The following AKT2 variants were observed in gnomAD, a reference collection of about 807,000 sequenced individuals.
AKT2 encodes RAC-beta serine/threonine-protein kinase.
AKT2 carries 16 observed loss-of-function variants against 58.6 expected under a neutral mutation model. That is an observed-to-expected ratio of 0.27 (90% confidence interval 0.18 to 0.41). The LOEUF (loss-of-function observed/expected upper bound fraction) is 0.41, where lower values mean the gene tolerates loss of function less well. AKT2 is among the 10% of genes least tolerant of loss of function. The pLI, the probability that AKT2 is intolerant of heterozygous loss-of-function variation, is 1.00. For synonymous variants in AKT2, 253 were observed against 254.0 expected (o/e 1.00, Z 0.04); for missense variants, 438 against 661.0 (o/e 0.66, Z 3.70).
chr19:40,258,850 A>G (rs1160332449), intron 2 of AKT2, among the ~76,000 whole-genome samples: 1 of 152,226 alleles, frequency 6.6e-6, no homozygotes, highest in Non-Finnish European at 1.5e-5. Context: ...TACAGATTCA[A>G]TGCAATCCCT....
intron 1 of AKT2, chr19:40,269,320 A>C (rs1326738566): frequency 1.3e-5 from 2 of 152,304 alleles, no homozygotes; most frequent in Non-Finnish European, 2.9e-5. Context: ...ACTCAAGACA[A>C]GGTAAAAAGA....
chr19:40,282,614 A>G, intron 1 of AKT2: 2 of 479,156 alleles, frequency 4.2e-6, no homozygotes, highest in Admixed American at 2.4e-5. Context: ...AGGTGACTCT[A>G]TCCTATGTCT....
intron 4 of AKT2, among the ~76,000 whole-genome samples, chr19:40,246,957 C>T (rs899310050): frequency 3.9e-5 from 6 of 152,216 alleles, no homozygotes; most frequent in Non-Finnish European, 7.3e-5. Context: ...GGGAGGGTGC[C>T]GAAGACACTC....
chr19:40,253,925 A>C (rs1171149289), intron 4 of AKT2, among the ~76,000 whole-genome samples: 3 of 151,878 alleles, frequency 2.0e-5, no homozygotes, highest in Non-Finnish European at 4.4e-5. Context: ...AAATTCCCCA[A>C]GGTACACTAA....
intron 1 of AKT2, chr19:40,274,973 C>A (rs1464883471): frequency 4.7e-6 from 2 of 426,826 alleles, no homozygotes; most frequent in African/African-American, 4.0e-5. Context: ...CCCTTCCTCT[C>A]CAGGAGCTGT....
At chr19:40,248,652 G>A (rs753918339) in intron 4 of AKT2, among the ~76,000 whole-genome samples, 14 of 152,400 alleles carry the variant, frequency 9.2e-5, no homozygotes, top group Non-Finnish European at 1.8e-4. Context: ...CCCCAGGGCA[G>A]GAGCAAGCTG....
At chr19:40,236,561 T>C in intron 9 of AKT2, 176 bp from the exon 10 acceptor site, 1 of 816,536 alleles carries the variant, frequency 1.2e-6, no homozygotes, top group South Asian at 1.6e-5. Flanking sequence ...GATCCAACCC[T>C]CCTCACCCTC....
At chr19:40,258,232 G>A (rs1442744889) in intron 2 of AKT2, among the ~76,000 whole-genome samples, 3 of 98,870 alleles carry the variant, frequency 3.0e-5, no homozygotes, top group Non-Finnish European at 5.5e-5. Context: ...CAACAAGAGC[G>A]AAACTCCGTC....
chr19:40,240,152 C>T (rs1372162443), intron 6 of AKT2, 42 bp from the exon 7 acceptor site: 14 of 1,591,986 alleles, frequency 8.8e-6, no homozygotes, highest in Middle Eastern at 1.7e-4. Context: ...GGCAACACCA[C>T]ACCTGCCCAC....
In AKT2 at chr19:40,235,182, G is replaced by A. The variant is rs747102135; in HGVS notation, c.1264-35C>T. The A allele has an allele frequency of 6.2e-7, 1 of 1,613,706 alleles. No homozygotes were observed. The highest frequency in any genetic ancestry group is 8.5e-7 in the Non-Finnish European group (1 of 1,179,630). ...AGAGGAGCTCAGGCTCAGGGACCCTGAGGCCAGGAGGCCTCAACCAAGGTC... is the reference window on the plus strand; with the variant it reads ...AGAGGAGCTCAGGCTCAGGGACCCTAAGGCCAGGAGGCCTCAACCAAGGTC... On this transcript the variant is annotated intron_variant, in intron 12 of 13. Transcript: ENST00000392038. The surrounding 1 kb of genome is among the most constrained non-coding windows in gnomAD (Gnocchi z 6.3).
chr19:40,233,378 C>T lies in AKT2; in HGVS notation c.*494G>A, dbSNP rs41307027. 15,712 of 428,834 alleles carry T rather than the reference C, an allele frequency of 0.037. 414 individuals carry two copies. Among genetic ancestry groups the T allele is most frequent in the South Asian group, 0.051 (2,359 of 46,126 alleles). The allele number at this position is 428,834 out of a possible 1,614,324, so 26.6% of individuals were successfully genotyped here. On this transcript the variant is annotated 3_prime_UTR_variant, in exon 14 of 14. Coordinates refer to ENST00000392038, the MANE Select transcript of AKT2 (RefSeq NM_001626.6). The surrounding 1 kb of genome is among the most constrained non-coding windows in gnomAD (Gnocchi z 4.3). ...CTTTTCTGCCCCCATAGGGGGACAG[C>T]GGGTGGGGGATTGGACCGCCCCGTG...
chr19:40,270,897 C>T (rs1414976190), intron 1 of AKT2: 3 of 151,958 alleles, frequency 2.0e-5, no homozygotes, highest in African/African-American at 7.3e-5. Flanking sequence ...CCTGTAGTCC[C>T]AGCTACTTGG....
At chr19:40,275,352 G>A (rs1046767012) in intron 1 of AKT2, 3 of 455,752 alleles carry the variant, frequency 6.6e-6, no homozygotes, top group Non-Finnish European at 4.4e-6. Context: ...CCACCTCCCT[G>A]GGAGCTCCAG....
At chr19:40,282,727 G>A (rs1381200705) in intron 1 of AKT2, 2 of 346,930 alleles carry the variant, frequency 5.8e-6, no homozygotes, top group Non-Finnish European at 1.2e-5. Context: ...CATAGGGTCT[G>A]ATAAGATGCG....
In AKT2 at chr19:40,235,026, G is replaced by A. The variant is rs148795214; in HGVS notation, c.1366+19C>T. The A allele has an allele frequency of 6.0e-5, 96 of 1,608,624 alleles. No homozygotes were observed. The African/African-American group carries it at 6.5e-4, about 11-fold the overall frequency. On this transcript the variant is annotated intron_variant, in intron 13 of 13. Transcript: ENST00000392038. This position sits in a 1 kb window ranked among gnomAD's most constrained non-coding sequence, Gnocchi z 6.3. ...ACCCCTGGGGCAGGCACACCAGCGC[G>A]GGGGCCCCAGGCACTCACAGCGGTC...
chr19:40,275,813 G>C (rs2077310323), intron 1 of AKT2, among the ~76,000 whole-genome samples: 1 of 119,222 alleles, frequency 8.4e-6, no homozygotes, highest in Non-Finnish European at 1.6e-5. Context: ...AGGAGTTCAA[G>C]ACCAGCCTGG....
chr19:40,241,767 G>A (rs1974421684), intron 6 of AKT2, 171 bp downstream of exon 6: 2 of 999,302 alleles, frequency 2.0e-6, no homozygotes, highest in Admixed American at 4.2e-5. Flanking sequence ...CAGCAGCAAG[G>A]CCTGCTGCTC....
chr19:40,255,415 T>C, intron 3 of AKT2, 146 bp from the exon 4 acceptor site: 1 of 633,462 alleles, frequency 1.6e-6, no homozygotes, highest in Non-Finnish European at 2.9e-6. Flanking sequence ...GCCCTGGTCC[T>C]GTTCTCACAG....
intron 2 of AKT2, among the ~76,000 whole-genome samples, chr19:40,262,066 C>T (rs896823604): frequency 1.3e-5 from 2 of 151,932 alleles, no homozygotes; most frequent in East Asian, 3.9e-4. Context: ...AGTTTATTAT[C>T]CAGGCATTTA....
Sources: gnomAD v4.1 joint callset for allele counts (sites outside exome capture counted in the v4.1 genomes callset) on GRCh38, gnomAD v4.1.1 for gene constraint, Gnocchi (gnomAD v3.1) non-coding constraint, MANE v1.5 for transcripts, NCBI Gene and HGNC (gene_info 2026-07-23, HGNC 2026-07-21) for gene names.